The following SLC36A1 variants were observed in gnomAD, a reference collection of about 807,000 sequenced individuals.
SLC36A1 encodes proton-coupled amino acid transporter 1.
In SLC36A1, 30 loss-of-function variants were observed where a neutral mutation model predicts 47.5. The ratio of observed to expected loss-of-function variants is 0.63; its 90% CI spans 0.47 to 0.86. SLC36A1 has a LOEUF of 0.86. Among genes scored for constraint, SLC36A1 ranks in the 40% least tolerant of loss-of-function variants. The probability of loss-of-function intolerance (pLI) is 0.00; values close to 1 mark genes in which losing one functional copy is unlikely to be tolerated. For synonymous variants in SLC36A1, 255 were observed against 249.7 expected (o/e 1.02, Z -0.20); for missense variants, 517 against 606.0 (o/e 0.85, Z 1.54).
chr5:151,407,511 G>A, the SLC36A1 span, among the ~76,000 whole-genome samples: 15 of 151,128 alleles, frequency 9.9e-5, no homozygotes. Flanking sequence ...TATTTACAGA[G>A]TGCTGATTGG....
At chr5:151,458,971 A>G (rs765254061) in intron 2 of SLC36A1, 36 bp downstream of exon 2, 1 of 1,578,390 alleles carries the variant, frequency 6.3e-7, no homozygotes, top group South Asian at 1.1e-5. Flanking sequence ...CCTGGGTGGG[A>G]TTCGTGTTCC....
the SLC36A1 span, among the ~76,000 whole-genome samples, chr5:151,370,153 G>A: frequency 6.6e-6 from 1 of 152,124 alleles, no homozygotes; most frequent in South Asian, 2.1e-4. Flanking sequence ...TGAACTCACT[G>A]GAAATTTAAA....
chr5:151,479,374 A>G lies in SLC36A1; in HGVS notation c.1044A>G (p.Ala348=), dbSNP rs1025832096. The change falls in exon 10 of 11, where the codon GCA becomes GCG. Residue 348 remains alanine (A), a synonymous_variant. Coordinates refer to ENST00000243389, the MANE Select transcript of SLC36A1 (RefSeq NM_078483.4). ...CCATCGGGATCTTTTTCACCTACGC[A>G]CTCCAGTTCTACGTCCCGGCTGAGA... The part of the protein sequence containing the change: ...LYSIGIFFTY[A]LQFYVPAEII... The G allele has an allele frequency of 3.5e-5, 57 of 1,613,780 alleles. No homozygotes were observed. The highest frequency in any genetic ancestry group is 4.8e-5 in the Non-Finnish European group (57 of 1,179,980).
the SLC36A1 span, among the ~76,000 whole-genome samples, chr5:151,388,898 G>T: frequency 2.0e-5 from 3 of 152,178 alleles, no homozygotes; most frequent in East Asian, 5.8e-4. Flanking sequence ...GTAGGGGCTG[G>T]ATCTGATGGT....
At chr5:151,515,970 C>T in the SLC36A1 span, among the ~76,000 whole-genome samples, 10 of 152,330 alleles carry the variant, frequency 6.6e-5, no homozygotes, top group South Asian at 1.0e-3. Context: ...CATCCCATTA[C>T]GTCTCTGACC....
chr5:151,448,130 G>C (rs1273246214), intron 1 of SLC36A1, among the ~76,000 whole-genome samples: 1 of 152,148 alleles, frequency 6.6e-6, no homozygotes, highest in East Asian at 1.9e-4. Context: ...GGCTCATAAT[G>C]GGTCTTTGGG....
At chr5:151,496,746 G>C (rs1760355189), downstream of SLC36A1, among the ~76,000 whole-genome samples, 1 of 152,120 alleles carries the variant, frequency 6.6e-6, no homozygotes, top group Non-Finnish European at 1.5e-5. Context: ...AGTAGAGAGG[G>C]GGCTTTGCCA....
At chr5:151,517,900 G>A in the SLC36A1 span, 4 of 1,057,480 alleles carry the variant, frequency 3.8e-6, no homozygotes, top group South Asian at 1.6e-5. Flanking sequence ...AAACTAGGCT[G>A]GGTGTGGGGT....
At chr5:151,457,947 C>G (rs998682307) in intron 1 of SLC36A1, among the ~76,000 whole-genome samples, 1 of 151,464 alleles carries the variant, frequency 6.6e-6, no homozygotes, top group African/African-American at 2.4e-5. Flanking sequence ...CTCCCGGTTT[C>G]AAGCGATTCT....
the SLC36A1 span, among the ~76,000 whole-genome samples, chr5:151,534,221 A>G: frequency 6.6e-6 from 1 of 152,218 alleles, no homozygotes; most frequent in Non-Finnish European, 1.5e-5. Context: ...AAACATTGCT[A>G]AAATCATTTG....
chr5:151,411,365 GTA>G, the SLC36A1 span, among the ~76,000 whole-genome samples: 1 of 144,782 alleles, frequency 6.9e-6, no homozygotes, highest in Non-Finnish European at 1.5e-5. Flanking sequence ...TCTGTATCAG[GTA>G]TAGTTTCTAT....
At chr5:151,364,005 A>G in the SLC36A1 span, among the ~76,000 whole-genome samples, 2 of 152,196 alleles carry the variant, frequency 1.3e-5, no homozygotes, top group African/African-American at 2.4e-5. Context: ...AGTATGTACT[A>G]TAGTTAATTT....
the SLC36A1 span, chr5:151,347,504 C>T: frequency 6.2e-7 from 1 of 1,609,702 alleles, no homozygotes; most frequent in Admixed American, 1.7e-5. Flanking sequence ...AAGAGGTCTG[C>T]TCTGGAAGGA....
the SLC36A1 span, among the ~76,000 whole-genome samples, chr5:151,421,259 T>G: frequency 3.0e-4 from 45 of 150,286 alleles, no homozygotes; most frequent in African/African-American, 1.0e-3. Flanking sequence ...CTTCTTTTTT[T>G]TTTTCAAGGT....
At chr5:151,478,683 C>T (rs1309727259) in intron 9 of SLC36A1, among the ~76,000 whole-genome samples, 3 of 152,196 alleles carry the variant, frequency 2.0e-5, no homozygotes, top group Admixed American at 6.5e-5. Context: ...GCTTCCACCC[C>T]GCGCCCTCCA....
chr5:151,506,592 T>C, the SLC36A1 span, among the ~76,000 whole-genome samples: 22,399 of 152,238 alleles, frequency 0.15, 2,003 homozygotes, highest in Non-Finnish European at 0.21. Context: ...TTGGGTTAGT[T>C]AGAACAAGTC....
the SLC36A1 span, among the ~76,000 whole-genome samples, chr5:151,555,217 A>T: frequency 6.6e-6 from 1 of 152,326 alleles, no homozygotes; most frequent in African/African-American, 2.4e-5. Context: ...GCATCACATC[A>T]GACAGGAGAT....
intron 8 of SLC36A1, among the ~76,000 whole-genome samples, chr5:151,474,316 C>T (rs894759453): frequency 6.6e-6 from 1 of 152,074 alleles, no homozygotes; most frequent in African/African-American, 2.4e-5. Flanking sequence ...CTTCACTGCA[C>T]ACTCATCTCC....
intron 8 of SLC36A1, among the ~76,000 whole-genome samples, chr5:151,474,178 A>AAAAAAAAAAAAAAAAAAAAAGAGAG (rs776318482): frequency 1.7e-5 from 2 of 119,008 alleles, no homozygotes; most frequent in African/African-American, 9.0e-5. Flanking sequence ...AAAAAAAAAA[A>AAAAAAAAAAAAAAAAAAAAAGAGAG]AGAAATTATC....
Sources: gnomAD v4.1 joint callset for allele counts (sites outside exome capture counted in the v4.1 genomes callset) on GRCh38, gnomAD v4.1.1 for gene constraint, MANE v1.5 for transcripts, NCBI Gene and HGNC (gene_info 2026-07-23, HGNC 2026-07-21) for gene names.